The following KPNA6 variants were observed in gnomAD, a reference collection of about 807,000 sequenced individuals.
KPNA6 encodes karyopherin subunit alpha 6.
Under a neutral mutation model 72.0 loss-of-function variants are expected in KPNA6, and 9 were observed. The observed-to-expected ratio is 0.13, with a 90% confidence interval of 0.08 to 0.22. The LOEUF (loss-of-function observed/expected upper bound fraction) is 0.22. KPNA6 is among the 10% of genes least tolerant of loss of function. The pLI is 1.00. For synonymous variants in KPNA6, 219 were observed against 242.1 expected, an observed-to-expected ratio of 0.90 and a Z score of 0.89; for missense variants, 374 against 655.7, an observed-to-expected ratio of 0.57 and a Z score of 4.69.
intron 1 of KPNA6, among the ~76,000 whole-genome samples, chr1:32,133,343 T>TA (rs1197218792): frequency 4.6e-4 from 66 of 143,358 alleles, no homozygotes; most frequent in East Asian, 8.1e-4. Context: ...GACCTTGTCT[T>TA]AAAAAAAAAA....
chr1:32,133,322 T>A (rs1207560171), intron 1 of KPNA6, among the ~76,000 whole-genome samples: 1 of 151,322 alleles, frequency 6.6e-6, no homozygotes, highest in Non-Finnish European at 1.5e-5. Flanking sequence ...GCAGCCTCGG[T>A]GACAGAGCAA....
chr1:32,173,175 A>AAAAG lies in KPNA6; in HGVS notation c.*2284_*2285insGAAA, dbSNP rs1276394069. On this transcript the variant is annotated 3_prime_UTR_variant, in exon 14 of 14. Transcript: ENST00000373625. ...TAAAAAACCATTCTCTTACAGTTTAAAAAAAAAAAAAAAAAAAAAGCCTTC... is the reference window on the plus strand; with the variant it reads ...TAAAAAACCATTCTCTTACAGTTTAAAAAGAAAAAAAAAAAAAAAAAAAGCCTTC... The AAAAG allele has an allele frequency of 2.8e-4, 46 of 163,060 alleles. No individual in the cohort carries two copies. The highest frequency in any genetic ancestry group is 1.1e-3 in the African/African-American group (43 of 40,012). 10.1% of individuals were successfully genotyped at this position (163,060 alleles called of 1,614,324 possible).
rs141311956 is a variant in KPNA6, at chr1:32,117,703, A to G, written c.4+9569A>G. Among the ~76,000 whole-genome samples the G allele has an allele frequency of 1.6e-3, 239 of 152,238 alleles. 1 individual carries two copies. The highest frequency in any genetic ancestry group is 5.4e-3 in the African/African-American group (223 of 41,570). On this transcript the variant is annotated intron_variant, in intron 1 of 13. Transcript: ENST00000373625. ...AAAATGAGATATGCCTGTACTTTAT[A>G]TATTCATTTAATTCTCAGATTCTCA...
In KPNA6 at chr1:32,130,055, T is replaced by C. The variant is rs76119859; in HGVS notation, c.4+21921T>C. 5.4e-3 allele frequency among the ~76,000 whole-genome samples: 826 copies of C among 152,286 alleles called. 11 individuals are homozygous for C. Among genetic ancestry groups the C allele is most frequent in the African/African-American group, 0.019 (797 of 41,564 alleles). ...GCCTACCTCTAAAATGAGAATTCTA[T>C]GTGAGTCTAAGCTAATAATCAAATC... On this transcript the variant is annotated intron_variant, in intron 1 of 13. Transcript: ENST00000373625.
rs1216709978 is a variant in KPNA6 at position 32,174,959 on chromosome 1, A to T, written c.*4065A>T. On this transcript the variant is annotated 3_prime_UTR_variant, in exon 14 of 14. Coordinates refer to ENST00000373625, the MANE Select transcript of KPNA6 (RefSeq NM_012316.5). ...GTATGTTTTCTGTTTGAGCTTTTTC[A>T]TTCTTTTGTTAAGCCAACAAGTTGA... The T allele has an allele frequency of 6.6e-6, 1 of 152,142 alleles. No homozygotes were observed. The highest frequency in any genetic ancestry group is 1.5e-5 in the Non-Finnish European group (1 of 68,024). The allele number at this position is 152,142 out of a possible 1,614,324, so 9.4% of individuals were successfully genotyped here. A position where few individuals can be genotyped will look rare whatever the true frequency, so the allele number is the denominator to read the frequency against.
chr1:32,143,236 G>T (rs1393613331), intron 1 of KPNA6, among the ~76,000 whole-genome samples: 3 of 152,028 alleles, frequency 2.0e-5, no homozygotes, highest in African/African-American at 7.2e-5. Flanking sequence ...GCTAATTTTG[G>T]TATTTTTTTG....
At position 32,108,056 on chromosome 1, in the gene KPNA6, A is replaced by C; in HGVS notation, c.-75A>C. ...CGGGCTGCCGTCCTACAGATCCGCC[A>C]TATTGTCTACTGAAAGCTGCCGCTG... On this transcript the variant is annotated 5_prime_UTR_variant, in exon 1 of 14. Transcript: ENST00000373625. The C allele has an allele frequency of 6.2e-7, 1 of 1,609,606 alleles. No individual in the cohort carries two copies. The highest frequency in any genetic ancestry group is 2.2e-5 in the East Asian group (1 of 44,840).
At position 32,162,062 on chromosome 1, in the gene KPNA6, A is replaced by G. The variant is rs1391191082; in HGVS notation, c.747+16A>G. 2 of 1,594,946 alleles carry G rather than the reference A, an allele frequency of 1.3e-6. No homozygotes were observed. On this transcript the variant is annotated intron_variant, in intron 8 of 13. Coordinates refer to ENST00000373625, the MANE Select transcript of KPNA6 (RefSeq NM_012316.5). The stretch of plus-strand genomic sequence containing the variant: ...GTTTGCAAAGGTGAGAGAGCTACTT[A>G]CTAGACCCTGAGTGACATCAGGTTC...
At chr1:32,144,231 C>T (rs998669523) in intron 1 of KPNA6, among the ~76,000 whole-genome samples, 2 of 152,166 alleles carry the variant, frequency 1.3e-5, no homozygotes, top group African/African-American at 4.8e-5. Flanking sequence ...ATATCTGCTA[C>T]TAACTGGCAG....
intron 1 of KPNA6, among the ~76,000 whole-genome samples, chr1:32,132,111 CAGGTATGCACCACCAT>C (rs1454069149): frequency 6.6e-6 from 1 of 151,806 alleles, no homozygotes; most frequent in Non-Finnish European, 1.5e-5. Context: ...GCTGGGATTA[CAGGTATGCACCACCAT>C]ACCCGGCTAA....
In KPNA6 at chr1:32,170,980, C is replaced by A; in HGVS notation, c.*86C>A. 9.0e-7 allele frequency: 1 copy of A among 1,114,332 alleles called. No homozygotes were observed. Among genetic ancestry groups the A allele is most frequent in the Non-Finnish European group, 1.3e-6 (1 of 752,572 alleles). 69.0% of individuals were successfully genotyped at this position (1,114,332 alleles called of 1,614,324 possible). ...TCTGGTGGGCGGGAAACCAGTGTCC[C>A]CACCATCAGCCACCACACACCTCTG... On this transcript the variant is annotated 3_prime_UTR_variant, in exon 14 of 14. Transcript: ENST00000373625.
intron 1 of KPNA6, among the ~76,000 whole-genome samples, chr1:32,110,149 C>A (rs1205237540): frequency 6.7e-6 from 1 of 149,026 alleles, no homozygotes; most frequent in Non-Finnish European, 1.5e-5. Flanking sequence ...ACTGCAACCT[C>A]TGCCTCCCGG....
chr1:32,173,472 G>C lies in KPNA6; in HGVS notation c.*2578G>C, dbSNP rs993668035. 5.2e-6 allele frequency: 1 copy of C among 190,866 alleles called. No individual in the cohort carries two copies. The highest frequency in any genetic ancestry group is 1.1e-5 in the Non-Finnish European group (1 of 93,776). The allele number at this position is 190,866 out of a possible 1,614,324, so 11.8% of individuals were successfully genotyped here. ...AAGGCTAAAGTCTACTAGGGGCAGA[G>C]TGTGAGGATAGATTTCTAATCAGAG... On this transcript the variant is annotated 3_prime_UTR_variant, in exon 14 of 14. Coordinates refer to ENST00000373625, the MANE Select transcript of KPNA6 (RefSeq NM_012316.5).
intron 1 of KPNA6, among the ~76,000 whole-genome samples, chr1:32,135,104 G>A (rs1281751846): frequency 6.6e-6 from 1 of 151,140 alleles, no homozygotes; most frequent in Admixed American, 6.6e-5. Flanking sequence ...TTTCACTCTT[G>A]TCACCCAGGC....
At chr1:32,153,631 CAGAAGGGGAAACATAT>C (rs1457416359) in intron 1 of KPNA6, among the ~76,000 whole-genome samples, 1 of 146,800 alleles carries the variant, frequency 6.8e-6, no homozygotes, top group Non-Finnish European at 1.5e-5. Flanking sequence ...ACATTTTTCA[CAGAAGGGGAAACATAT>C]AGCTAATAAC....
Position 32,131,012 on chromosome 1 carries a change from G to A in KPNA6, c.4+22878G>A, listed in dbSNP as rs569111514. Among the ~76,000 whole-genome samples, 163 of 152,202 alleles carry A rather than the reference G, an allele frequency of 1.1e-3. 1 individual carries two copies. The highest frequency in any genetic ancestry group is 3.9e-3 in the African/African-American group (161 of 41,534). ...AAAATTACTATAAGAAAAAATAGTG[G>A]GCCGGGCACAGTGGTTCACACCCAT... On this transcript the variant is annotated intron_variant, in intron 1 of 13. Transcript: ENST00000373625.
Position 32,122,281 on chromosome 1 carries a change from C to G in KPNA6, c.4+14147C>G, listed in dbSNP as rs562172057. Among the ~76,000 whole-genome samples the G allele has an allele frequency of 1.3e-4, 17 of 130,452 alleles. No homozygotes were observed. In the South Asian group the frequency reaches 3.9e-3, roughly 30 times the overall value. 85.6% of individuals were successfully genotyped at this position (130,452 alleles called of 152,430 possible). ...AAGAGCTAGATTTTGTCTCAAAAAA[C>G]AAAATGTGAAACAAAACGAAAAAAA... On this transcript the variant is annotated intron_variant, in intron 1 of 13. Transcript: ENST00000373625.
chr1:32,170,656 G>T, intron 13 of KPNA6, 51 bp from the exon 14 acceptor site: 2 of 1,492,412 alleles, frequency 1.3e-6, no homozygotes, highest in Non-Finnish European at 1.9e-6. Flanking sequence ...TGTTTCACCT[G>T]CCCATAGAAA....
intron 1 of KPNA6, among the ~76,000 whole-genome samples, chr1:32,135,795 A>G (rs1042461331): frequency 3.4e-5 from 5 of 147,484 alleles, no homozygotes; most frequent in Non-Finnish European, 6.0e-5. Context: ...TTTTTTTTTT[A>G]GGATGATGAA....
Sources: gnomAD v4.1 joint callset for allele counts (sites outside exome capture counted in the v4.1 genomes callset) on GRCh38, gnomAD v4.1.1 for gene constraint, MANE v1.5 for transcripts, NCBI Gene and HGNC (gene_info 2026-07-23, HGNC 2026-07-21) for gene names.